Variants in ZC3HAV1L observed in about 807,000 individuals in gnomAD.
The protein encoded by ZC3HAV1L is zinc finger CCCH-type antiviral protein 1-like.
Under a neutral mutation model 28.2 loss-of-function variants are expected in ZC3HAV1L, and 23 were observed. The ratio of observed to expected loss-of-function variants is 0.82; its 90% confidence interval spans 0.59 to 1.16. ZC3HAV1L has a LOEUF of 1.16. Ranked by LOEUF, ZC3HAV1L falls within the 50% of genes most tolerant of loss-of-function variation. The probability of loss-of-function intolerance (pLI) is 0.00; values close to 1 mark genes in which losing one functional copy is unlikely to be tolerated. For synonymous variants in ZC3HAV1L, 180 were observed against 163.4 expected (o/e 1.10, Z -0.78); for missense variants, 376 against 387.7 (o/e 0.97, Z 0.25).
Position 139,035,973 on chromosome 7 carries a change from G to A in ZC3HAV1L, c.45C>T (p.Cys15=). The change falls in exon 1 of 5, where the codon TGC becomes TGT. Residue 15 remains cysteine, a synonymous_variant. Transcript: ENST00000275766. ...TVCSFLTKVL[C]AHGGRMFLKD... Reference sequence around the variant, plus strand: ...TCAGGAACATGCGGCCGCCGTGGGCGCACAGCACCTTGGTGAGGAAGGAGC... The same window carrying A: ...TCAGGAACATGCGGCCGCCGTGGGCACACAGCACCTTGGTGAGGAAGGAGC... 1.3e-6 allele frequency: 2 copies of A among 1,523,406 alleles called. No homozygotes were observed. Among genetic ancestry groups the A allele is most frequent in the Non-Finnish European group, 1.7e-6 (2 of 1,143,738 alleles). 94.4% of individuals were successfully genotyped at this position (1,523,406 alleles called of 1,614,324 possible).
chr7:139,035,419 T>C, intron 1 of ZC3HAV1L: 1 of 985,288 alleles, frequency 1.0e-6, no homozygotes, highest in Non-Finnish European at 1.2e-6. Context: ...GGCAGCAACT[T>C]TTCTGGCGTG....
At chr7:139,022,328 G>C (rs566278130), downstream of ZC3HAV1L, 1 of 349,276 alleles carries the variant, frequency 2.9e-6, no homozygotes, top group South Asian at 2.3e-5. Flanking sequence ...AGGACTGCTT[G>C]AGCTTAGGAG....
At chr7:139,027,280 C>A (rs947587463) in intron 3 of ZC3HAV1L, among the ~76,000 whole-genome samples, 3 of 152,202 alleles carry the variant, frequency 2.0e-5, no homozygotes, top group Non-Finnish European at 4.4e-5. Flanking sequence ...TTCTCCTAAG[C>A]CTACCACCCA....
chr7:139,021,704 T>C (rs1384729562), downstream of ZC3HAV1L, among the ~76,000 whole-genome samples: 1 of 152,098 alleles, frequency 6.6e-6, no homozygotes, highest in African/African-American at 2.4e-5. Context: ...CAATTCCTTT[T>C]ATCAAGCTTT....
chr7:139,024,881 G>C (rs1005005775), downstream of ZC3HAV1L, among the ~76,000 whole-genome samples: 1 of 152,064 alleles, frequency 6.6e-6, no homozygotes, highest in African/African-American at 2.4e-5. Context: ...ACAATAAACA[G>C]AACAAAAAAA....
At chr7:139,024,333 T>C (rs535868967), downstream of ZC3HAV1L, among the ~76,000 whole-genome samples, 24 of 152,204 alleles carry the variant, frequency 1.6e-4, no homozygotes, top group Non-Finnish European at 2.6e-4. Context: ...TAACATCACA[T>C]ATAAAAGCAT....
rs141930955 is a variant in ZC3HAV1L, at chr7:139,028,849, G to C, written c.613C>G (p.Gln205Glu). 283 of 1,614,170 alleles carry C rather than the reference G, an allele frequency of 1.8e-4. 4 individuals carry two copies. The South Asian group carries it at 3.0e-3, about 17-fold the overall frequency. ...KSFVKGECKLQTCKRSHQLIH... is the reference protein window; with the variant it reads ...KSFVKGECKLETCKRSHQLIH... ...AGCTGATGGGACCGTTTGCAGGTCT[G>C]AAGTTTGCATTCTCCTTTCACAAAG... The change falls in exon 3 of 5, where the codon CAG becomes GAG. Residue 205 changes from glutamine (Q) to glutamate (E), a missense_variant. Gln to Glu is a conservative substitution (Grantham distance 29, BLOSUM62 2). Coordinates refer to ENST00000275766, the MANE Select transcript of ZC3HAV1L (RefSeq NM_080660.4).
downstream of ZC3HAV1L, among the ~76,000 whole-genome samples, chr7:139,024,051 C>T (rs957865632): frequency 2.0e-5 from 3 of 152,068 alleles, no homozygotes; most frequent in African/African-American, 7.2e-5. Flanking sequence ...AGGAACAAGA[C>T]TAAAGGAAAA....
rs755686766 is a variant in ZC3HAV1L, at chr7:139,036,009, C to T, written c.9G>A (p.Glu3=). The T allele has an allele frequency of 1.1e-5, 17 of 1,510,760 alleles. No homozygotes were observed. Among genetic ancestry groups the T allele is most frequent in the Non-Finnish European group, 1.5e-5 (17 of 1,137,774 alleles). The allele number at this position is 1,510,760 out of a possible 1,614,324, so 93.6% of individuals were successfully genotyped here. ...TGGTGAGGAAGGAGCACACTGTGGG[C>T]TCCGCCATGGTCGCTGGCGCGGGCC... is the stretch of plus-strand genomic sequence containing the variant. The part of the protein sequence containing the change: MA[E]PTVCSFLTKV... Residue 3 remains glutamate (E), a synonymous_variant, in exon 1 of 5, where the codon GAG becomes GAA. Transcript: ENST00000275766.
chr7:139,028,823 A>G lies in ZC3HAV1L; in HGVS notation c.639T>C (p.Leu213=). 1 of 1,614,174 alleles carries G rather than the reference A, an allele frequency of 6.2e-7. No homozygotes were observed. The highest frequency in any genetic ancestry group is 8.5e-7 in the Non-Finnish European group (1 of 1,180,024). The change falls in exon 3 of 5, where the codon CTT becomes CTC. Residue 213 remains leucine, a synonymous_variant. Transcript: ENST00000275766. ...KLQTCKRSHQ[L]IHAASLKLLQ... ...GCAGCTTCAAAGATGCAGCATGGAT[A>G]AGCTGATGGGACCGTTTGCAGGTCT...
In ZC3HAV1L at chr7:139,034,619, C is replaced by T; in HGVS notation, c.425G>A (p.Ser142Asn). Reference protein sequence around the residue: ...HTPVNMQVLKSHGLFGLNENQ... With the variant: ...HTPVNMQVLKNHGLFGLNENQ... Reference sequence around the variant, plus strand: ...TTCATTGAGACCAAAAAGTCCATGGCTTTTCAGGACCTGCATGTTGACAGG... The same window carrying T: ...TTCATTGAGACCAAAAAGTCCATGGTTTTTCAGGACCTGCATGTTGACAGG... Residue 142 changes from serine (S) to asparagine (N), a missense_variant, in exon 2 of 5, where the codon AGC (serine) becomes AAC (asparagine). Physicochemically the swap from Ser to Asn is conservative, Grantham distance 46. Transcript: ENST00000275766. 1 of 1,614,008 alleles carries T rather than the reference C, an allele frequency of 6.2e-7. No homozygotes were observed. The highest frequency in any genetic ancestry group is 8.5e-7 in the Non-Finnish European group (1 of 1,179,940).
At chr7:139,035,565 A>T in intron 1 of ZC3HAV1L, 88 bp downstream of exon 1, 1 of 1,337,954 alleles carries the variant, frequency 7.5e-7, no homozygotes, top group Non-Finnish European at 9.5e-7. Flanking sequence ...GGCAGGACGA[A>T]GCCCCCCTTC....
At position 139,028,384 on chromosome 7, in the gene ZC3HAV1L, C is replaced by CA. The variant is rs1481936943; in HGVS notation, c.760+317dup. ...TGAGACTCTGTCTCAAAAAAAAAAACAAAAACAAAACCTGTTCTACCTACT... is the reference window on the plus strand; with the variant it reads ...TGAGACTCTGTCTCAAAAAAAAAAACAAAAAACAAAACCTGTTCTACCTACT... On this transcript the variant is annotated intron_variant, in intron 3 of 4. Coordinates refer to ENST00000275766, the MANE Select transcript of ZC3HAV1L (RefSeq NM_080660.4). 1.0e-4 allele frequency among the ~76,000 whole-genome samples: 14 copies of CA among 138,548 alleles called. No individual in the cohort carries two copies. In the East Asian group the frequency reaches 2.7e-3, roughly 26 times the overall value. The allele number at this position is 138,548 out of a possible 152,430, so 90.9% of individuals were successfully genotyped here. A position where few individuals can be genotyped will look rare whatever the true frequency, so the allele number is the denominator to read the frequency against.
intron 1 of ZC3HAV1L, chr7:139,035,406 G>A (rs1268093891): frequency 4.1e-6 from 4 of 985,152 alleles, no homozygotes; most frequent in African/African-American, 1.7e-5. Context: ...GGGGGCGGGC[G>A]GGGGCAGCAA....
chr7:139,033,207 A>AAG (rs1034515339), intron 2 of ZC3HAV1L, among the ~76,000 whole-genome samples: 1 of 113,538 alleles, frequency 8.8e-6, no homozygotes, highest in African/African-American at 3.2e-5. Flanking sequence ...TCAAAAAAAA[A>AAG]AAAACTATAT....
chr7:139,028,988 A>C, intron 2 of ZC3HAV1L, 28 bp from the exon 3 acceptor site: 2 of 1,594,456 alleles, frequency 1.3e-6, no homozygotes, highest in Non-Finnish European at 8.6e-7. Context: ...GAACACCTGA[A>C]ATATTAGTTT....
At chr7:139,030,147 G>GCTGCACA (rs1815481372) in intron 2 of ZC3HAV1L, among the ~76,000 whole-genome samples, 2 of 152,282 alleles carry the variant, frequency 1.3e-5, no homozygotes, top group African/African-American at 4.8e-5. Flanking sequence ...AAAAACTCTT[G>GCTGCACA]CTATAAAATA....
At chr7:139,028,363 ACT>A (rs1416392427) in intron 3 of ZC3HAV1L, among the ~76,000 whole-genome samples, 12 of 118,926 alleles carry the variant, frequency 1.0e-4, no homozygotes, top group African/African-American at 4.1e-4. Context: ...ACAGACTGAG[ACT>A]CTGTCTCAAA....
Position 139,035,807 on chromosome 7 carries a change from C to G in ZC3HAV1L, c.211G>C (p.Ala71Pro). Residue 71 changes from alanine to proline, a missense_variant, in exon 1 of 5, where the codon GCG becomes CCG. Physicochemically the swap from Ala to Pro is conservative, Grantham distance 27 (BLOSUM62 -1). Coordinates refer to ENST00000275766, the MANE Select transcript of ZC3HAV1L (RefSeq NM_080660.4). ...GCGGAGGTGCCGCCACCGCCCACCG[C>G]GCCGGCCGCCGCCTCGGCCTCCGCG... ...GDAEAEAAAGAVGGGGTSAWR... is the reference protein window; with the variant it reads ...GDAEAEAAAGPVGGGGTSAWR... 6.7e-7 allele frequency: 1 copy of G among 1,484,610 alleles called. No individual in the cohort carries two copies. The highest frequency in any genetic ancestry group is 1.5e-5 in the African/African-American group (1 of 68,330). The allele number at this position is 1,484,610 out of a possible 1,614,324, so 92.0% of individuals were successfully genotyped here.
Sources: gnomAD v4.1 joint callset for allele counts (sites outside exome capture counted in the v4.1 genomes callset) on GRCh38, gnomAD v4.1.1 for gene constraint, MANE v1.5 for transcripts, NCBI Gene and HGNC (gene_info 2026-07-23, HGNC 2026-07-21) for gene names.